FGGY: variants seen among roughly 807,000 people sequenced by gnomAD.
The protein encoded by FGGY is FGGY carbohydrate kinase domain-containing protein.
Under a neutral mutation model 71.3 loss-of-function variants are expected in FGGY, and 72 were observed. That is an observed-to-expected ratio of 1.01 (90% confidence interval 0.84 to 1.23). FGGY has a LOEUF of 1.23. FGGY is among the 50% of genes most tolerant of loss of function. The pLI is 0.00. For missense variants in FGGY, 668 were observed against 682.3 expected (o/e 0.98, Z 0.23); for synonymous variants, 251 against 250.3 (o/e 1.00, Z -0.02).
At chr1:59,719,667 G>A (rs560669295) in intron 14 of FGGY, among the ~76,000 whole-genome samples, 1 of 152,276 alleles carries the variant, frequency 6.6e-6, no homozygotes, top group Admixed American at 6.5e-5. Context: ...CATGCTGAGT[G>A]CAAATATGGG....
In FGGY at chr1:59,740,630, T is replaced by C. The variant is rs570685330; in HGVS notation, c.1513-17301T>C. ...TATTATTTATCAACACACCACTGCTTATATCCAGATACAGTCTTTTTCTCC... is the reference window on the plus strand; with the variant it reads ...TATTATTTATCAACACACCACTGCTCATATCCAGATACAGTCTTTTTCTCC... On this transcript the variant is annotated intron_variant, in intron 14 of 15. Coordinates refer to ENST00000303721, the MANE Select transcript of FGGY (RefSeq NM_018291.5). Among the ~76,000 whole-genome samples the C allele has an allele frequency of 5.2e-5, 8 of 152,384 alleles. No homozygotes were observed. The South Asian group carries it at 1.0e-3, about 20-fold the overall frequency.
At chr1:59,506,890 C>G (rs1168932618) in intron 6 of FGGY, among the ~76,000 whole-genome samples, 2 of 152,050 alleles carry the variant, frequency 1.3e-5, no homozygotes, top group Admixed American at 1.3e-4. Context: ...ATAATTCCTC[C>G]ACCCAGAGAA....
chr1:59,627,288 T>TGTTTTTCATAGGTGTATA (rs1034802111), intron 10 of FGGY, among the ~76,000 whole-genome samples: 4 of 151,704 alleles, frequency 2.6e-5, no homozygotes, highest in African/African-American at 9.7e-5. Context: ...TTGGTAAATC[T>TGTTTTTCATAGGTGTATA]GTTTTTCATA....
chr1:59,370,663 C>T (rs1164925041), intron 4 of FGGY, among the ~76,000 whole-genome samples: 1 of 151,856 alleles, frequency 6.6e-6, no homozygotes, highest in African/African-American at 2.4e-5. Flanking sequence ...AGAGAAAGGT[C>T]AGGTTACCCA....
chr1:59,348,409 C>T lies in FGGY; in HGVS notation c.465+2011C>T, dbSNP rs536367317. On this transcript the variant is annotated intron_variant, in intron 4 of 15. Coordinates refer to ENST00000303721, the MANE Select transcript of FGGY (RefSeq NM_018291.5). ...CTCTGGTCAAAGCACTTGCAGGTGG[C>T]TCCCATTTCCAGATGTTAGGACTTC... Among the ~76,000 whole-genome samples, 33 of 152,292 alleles carry T rather than the reference C, an allele frequency of 2.2e-4. No individual in the cohort carries two copies. The South Asian group carries it at 5.6e-3, about 26-fold the overall frequency.
chr1:59,543,663 A>G (rs2095479262), intron 7 of FGGY, among the ~76,000 whole-genome samples: 1 of 152,186 alleles, frequency 6.6e-6, no homozygotes, highest in African/African-American at 2.4e-5. Context: ...GAGAGAGAAG[A>G]GAGCTAGCCT....
rs74086280 is a variant in FGGY, at chr1:59,656,945, G to A, written c.1222-3274G>A. On this transcript the variant is annotated intron_variant, in intron 11 of 15. Coordinates refer to ENST00000303721, the MANE Select transcript of FGGY (RefSeq NM_018291.5). Reference sequence around the variant, plus strand: ...TTCTGGGGAAAAAAATTATCCTCCCGTTTCTGCTCTATGATTTCTGAGCTC... The same window carrying A: ...TTCTGGGGAAAAAAATTATCCTCCCATTTCTGCTCTATGATTTCTGAGCTC... Among the ~76,000 whole-genome samples the A allele has an allele frequency of 4.8e-3, 731 of 152,186 alleles. 8 individuals are homozygous for A. The highest frequency in any genetic ancestry group is 0.013 in the African/African-American group (548 of 41,518).
intron 10 of FGGY, among the ~76,000 whole-genome samples, chr1:59,637,517 G>T (rs750001805): frequency 6.6e-6 from 1 of 152,028 alleles, no homozygotes; most frequent in Admixed American, 6.6e-5. Context: ...CAGGAGAATC[G>T]CTTGAATCTG....
At chr1:59,410,594 A>G (rs1334879343) in intron 5 of FGGY, among the ~76,000 whole-genome samples, 3 of 149,214 alleles carry the variant, frequency 2.0e-5, no homozygotes, top group Middle Eastern at 3.2e-3. Context: ...ATTGATGCCC[A>G]TAGTGAAAAA....
At chr1:59,369,392 G>A (rs1183841293) in intron 4 of FGGY, among the ~76,000 whole-genome samples, 2 of 152,222 alleles carry the variant, frequency 1.3e-5, no homozygotes, top group African/African-American at 4.8e-5. Flanking sequence ...GCTTGCTTAG[G>A]TAAACAGAGC....
chr1:59,696,325 T>G (rs972894302), intron 14 of FGGY, among the ~76,000 whole-genome samples: 1 of 152,180 alleles, frequency 6.6e-6, no homozygotes, highest in Non-Finnish European at 1.5e-5. Flanking sequence ...TTCATGAACA[T>G]TTTTCCCTAG....
At chr1:59,430,211 C>T (rs879495785) in intron 5 of FGGY, among the ~76,000 whole-genome samples, 3 of 152,126 alleles carry the variant, frequency 2.0e-5, no homozygotes, top group Admixed American at 2.0e-4. Flanking sequence ...AATTACTTGG[C>T]TTTTTCTGCC....
At chr1:59,623,049 A>T (rs191361946) in intron 9 of FGGY, among the ~76,000 whole-genome samples, 1 of 152,180 alleles carries the variant, frequency 6.6e-6, no homozygotes. Context: ...AGCTCAGAGT[A>T]TAGGGTAAGA....
chr1:59,700,772 A>G (rs2097703192), intron 14 of FGGY, among the ~76,000 whole-genome samples: 1 of 152,224 alleles, frequency 6.6e-6, no homozygotes, highest in Non-Finnish European at 1.5e-5. Context: ...AAAAGAAAGC[A>G]AAGTGATATC....
chr1:59,588,567 C>T (rs1387713805), intron 8 of FGGY, among the ~76,000 whole-genome samples: 1 of 152,152 alleles, frequency 6.6e-6, no homozygotes, highest in Admixed American at 6.5e-5. Flanking sequence ...CAAAGGGAAG[C>T]CCATCAGACT....
At chr1:59,658,672 TACAGGGA>T (rs1290218027) in intron 11 of FGGY, among the ~76,000 whole-genome samples, 1 of 152,182 alleles carries the variant, frequency 6.6e-6, no homozygotes, top group Non-Finnish European at 1.5e-5. Flanking sequence ...GAGAACGTTT[TACAGGGA>T]GTAACACGAT....
At chr1:59,344,370 A>C (rs1161478776) in intron 3 of FGGY, among the ~76,000 whole-genome samples, 1 of 151,896 alleles carries the variant, frequency 6.6e-6, no homozygotes, top group African/African-American at 2.4e-5. Context: ...AGAAAGCAAC[A>C]TCTTCCTATT....
chr1:59,335,367 T>C (rs562152431), intron 2 of FGGY, among the ~76,000 whole-genome samples: 38 of 152,346 alleles, frequency 2.5e-4, no homozygotes, highest in Admixed American at 1.9e-3. Flanking sequence ...ATCATCCATG[T>C]TGTTACATAT....
intron 14 of FGGY, among the ~76,000 whole-genome samples, chr1:59,688,240 G>T (rs1034250564): frequency 6.6e-6 from 1 of 152,190 alleles, no homozygotes; most frequent in African/African-American, 2.4e-5. Context: ...ACTATTCTAG[G>T]TAAGTAACTA....
Sources: gnomAD v4.1 joint callset for allele counts (sites outside exome capture counted in the v4.1 genomes callset) on GRCh38, gnomAD v4.1.1 for gene constraint, MANE v1.5 for transcripts, NCBI Gene and HGNC (gene_info 2026-07-23, HGNC 2026-07-21) for gene names.